The following ANKDD1A variants were observed in gnomAD, a reference collection of about 807,000 sequenced individuals.
ANKDD1A encodes ankyrin repeat and death domain containing 1A, also known as ankyrin repeat and death domain-containing protein 1A.
ANKDD1A carries 59 observed loss-of-function variants against 63.5 expected under a neutral mutation model. The ratio of observed to expected loss-of-function variants is 0.93; its 90% CI spans 0.75 to 1.15. ANKDD1A has a LOEUF of 1.15. ANKDD1A is among the 50% of genes most tolerant of loss of function. The pLI is 0.00. For missense variants in ANKDD1A, 632 were observed against 656.4 expected (o/e 0.96, Z 0.41); for synonymous variants, 266 against 263.9 (o/e 1.01, Z -0.08).
Position 64,934,003 on chromosome 15 carries a change from A to C in ANKDD1A, c.769-133A>C, listed in dbSNP as rs74944099. On this transcript the variant is annotated intron_variant, in intron 8 of 14. Coordinates refer to ENST00000319580, the MANE Select transcript of ANKDD1A (RefSeq NM_182703.6). ...ACCTGGGAAAGTCATTGATTTTTCC[A>C]GCCTCAGTTAAATGGGGATAATACT... is the stretch of plus-strand genomic sequence containing the variant. 4.8e-4 allele frequency: 303 copies of C among 634,970 alleles called. No individual in the cohort carries two copies. In the African/African-American group the frequency reaches 5.2e-3, roughly 11 times the overall value. 39.3% of individuals were successfully genotyped at this position (634,970 alleles called of 1,614,324 possible). A position where few individuals can be genotyped will look rare whatever the true frequency, so the allele number is the denominator to read the frequency against.
At chr15:64,940,746 C>G (rs1434715123) in intron 9 of ANKDD1A, among the ~76,000 whole-genome samples, 1 of 150,120 alleles carries the variant, frequency 6.7e-6, no homozygotes, top group African/African-American at 2.4e-5. Context: ...CCTAGACAGA[C>G]AGATTTTTTA....
At chr15:64,945,015 A>T (rs568402762) in intron 12 of ANKDD1A, among the ~76,000 whole-genome samples, 2 of 152,218 alleles carry the variant, frequency 1.3e-5, no homozygotes, top group Non-Finnish European at 1.5e-5. Context: ...TGATGAATGC[A>T]TGCGTGCATG....
intron 14 of ANKDD1A, chr15:64,951,018 G>A: frequency 4.7e-6 from 6 of 1,271,012 alleles, no homozygotes; most frequent in Admixed American, 2.5e-5. Context: ...CCATGTAACC[G>A]GAGGGGCCAG....
intron 6 of ANKDD1A, among the ~76,000 whole-genome samples, chr15:64,929,430 A>G (rs2140371003): frequency 6.6e-6 from 1 of 152,214 alleles, no homozygotes; most frequent in East Asian, 1.9e-4. Flanking sequence ...CAGCCTCCCA[A>G]AGTGCTGGGA....
In ANKDD1A at chr15:64,943,559, G is replaced by C. The variant is rs921209603; in HGVS notation, c.1042G>C (p.Val348Leu). The C allele has an allele frequency of 1.2e-6, 2 of 1,614,052 alleles. No individual in the cohort carries two copies. The highest frequency in any genetic ancestry group is 2.7e-5 in the African/African-American group (2 of 74,928). The change falls in exon 11 of 15, where the codon GTT becomes CTT. Residue 348 changes from valine (V) to leucine (L), a missense_variant. Coordinates refer to ENST00000319580, the MANE Select transcript of ANKDD1A (RefSeq NM_182703.6). ...DIADMLLIAG[V>L]DLNLRDKQGK... Reference sequence around the variant, plus strand: ...AGCAGATATGCTCCTCATTGCTGGGGTTGACTTAAACCTGAGAGATAAGGT... The same window carrying C: ...AGCAGATATGCTCCTCATTGCTGGGCTTGACTTAAACCTGAGAGATAAGGT...
intron 12 of ANKDD1A, among the ~76,000 whole-genome samples, chr15:64,946,672 C>T (rs1180273848): frequency 6.6e-6 from 1 of 152,164 alleles, no homozygotes; most frequent in East Asian, 1.9e-4. Flanking sequence ...CCCAGATGGT[C>T]TCAATGTGCA....
intron 9 of ANKDD1A, among the ~76,000 whole-genome samples, chr15:64,939,715 T>C (rs1427601411): frequency 6.6e-6 from 1 of 152,218 alleles, no homozygotes; most frequent in East Asian, 1.9e-4. Flanking sequence ...CTGATTTTTA[T>C]TGAAGATGCA....
intron 11 of ANKDD1A, among the ~76,000 whole-genome samples, chr15:64,944,168 A>G (rs781678899): frequency 6.6e-6 from 1 of 152,192 alleles, no homozygotes; most frequent in Non-Finnish European, 1.5e-5. Flanking sequence ...GCTAGGCCCC[A>G]TGGCAGCTGG....
chr15:64,934,355 AG>A, intron 9 of ANKDD1A, 121 bp downstream of exon 9: 3 of 806,984 alleles, frequency 3.7e-6, no homozygotes, highest in Non-Finnish European at 5.7e-6. Flanking sequence ...GACCAGGAGT[AG>A]GGGAGCCGGC....
chr15:64,958,489 CTG>C lies in ANKDD1A; in HGVS notation c.*1304_*1305del, dbSNP rs1040479246. 1.3e-5 allele frequency: 2 copies of C among 151,374 alleles called. No individual in the cohort carries two copies. The highest frequency in any genetic ancestry group is 1.9e-4 in the East Asian group (1 of 5,184). 9.4% of individuals were successfully genotyped at this position (151,374 alleles called of 1,614,324 possible). On this transcript the variant is annotated 3_prime_UTR_variant, in exon 15 of 15. Coordinates refer to ENST00000319580, the MANE Select transcript of ANKDD1A (RefSeq NM_182703.6). ...CTAAAACTGTTCTAAAATAGAAAGT[CTG>C]TGAAAAAAAACAAAAGTAAAGTTAT... is the stretch of plus-strand genomic sequence containing the variant.
chr15:64,946,890 A>G (rs1260562990), intron 12 of ANKDD1A, among the ~76,000 whole-genome samples: 4 of 152,160 alleles, frequency 2.6e-5, no homozygotes, highest in African/African-American at 9.7e-5. Context: ...TGTGGGCATC[A>G]TTTATGCTAT....
chr15:64,930,296 A>G (rs1026229987), intron 6 of ANKDD1A, among the ~76,000 whole-genome samples: 1 of 151,842 alleles, frequency 6.6e-6, no homozygotes, highest in Non-Finnish European at 1.5e-5. Context: ...AATACTAAGC[A>G]CTCAGCCAGT....
At chr15:64,954,443 CCTTCTT>C (rs145292787) in intron 14 of ANKDD1A, among the ~76,000 whole-genome samples, 13 of 140,922 alleles carry the variant, frequency 9.2e-5, no homozygotes, top group Admixed American at 5.1e-4. Flanking sequence ...GTCGTCTTCT[CCTTCTT>C]CTTCTTCCCT....
intron 14 of ANKDD1A, among the ~76,000 whole-genome samples, chr15:64,955,683 A>G (rs2085411298): frequency 6.6e-6 from 1 of 152,182 alleles, no homozygotes; most frequent in Non-Finnish European, 1.5e-5. Context: ...AGGAGCCTAC[A>G]TTTTAGAAAA....
chr15:64,956,641 C>A (rs557994572), intron 14 of ANKDD1A, among the ~76,000 whole-genome samples: 14 of 152,280 alleles, frequency 9.2e-5, no homozygotes, highest in African/African-American at 3.4e-4. Flanking sequence ...CTGCAACCTC[C>A]GTCTCTTGGG....
chr15:64,936,082 G>A (rs11854866), intron 9 of ANKDD1A, among the ~76,000 whole-genome samples: 138,448 of 152,126 alleles, frequency 0.91, 63,819 homozygotes, highest in East Asian at 0.99. Context: ...TACATAAACA[G>A]GGAAACATCT....
At chr15:64,954,058 T>C (rs1471022594) in intron 14 of ANKDD1A, among the ~76,000 whole-genome samples, 52 of 3,868 alleles carry the variant, frequency 0.013, no homozygotes, top group Non-Finnish European at 0.068. Flanking sequence ...CTTTTCTCCT[T>C]CTTCTTTCTT....
At chr15:64,923,932 G>A (rs1277447833) in intron 4 of ANKDD1A, among the ~76,000 whole-genome samples, 1 of 152,214 alleles carries the variant, frequency 6.6e-6, no homozygotes, top group East Asian at 1.9e-4. Context: ...CTGAGTCACG[G>A]ACTCTTCTAG....
intron 8 of ANKDD1A, among the ~76,000 whole-genome samples, chr15:64,933,763 A>G (rs1289647627): frequency 6.8e-6 from 1 of 146,414 alleles, no homozygotes; most frequent in South Asian, 2.3e-4. Context: ...AATTACTTCA[A>G]CCTGGGAGGT....
Sources: gnomAD v4.1 joint callset for allele counts (sites outside exome capture counted in the v4.1 genomes callset) on GRCh38, gnomAD v4.1.1 for gene constraint, MANE v1.5 for transcripts, NCBI Gene and HGNC (gene_info 2026-07-23, HGNC 2026-07-21) for gene names.